PUM1: variants seen among roughly 807,000 people sequenced by gnomAD.
PUM1 encodes the protein pumilio RNA binding family member 1.
PUM1 carries 13 observed loss-of-function variants against 131.8 expected under a neutral mutation model. That is an observed-to-expected ratio of 0.10 (90% CI 0.06 to 0.16). PUM1 has a LOEUF of 0.16. PUM1 is among the 10% of genes least tolerant of loss of function. PUM1 has a pLI of 1.00. For synonymous variants in PUM1, 509 were observed against 556.5 expected, an observed-to-expected ratio of 0.91 and a Z score of 1.20; for missense variants, 961 against 1,512.4, an observed-to-expected ratio of 0.64 and a Z score of 6.05.
intron 2 of PUM1, among the ~76,000 whole-genome samples, chr1:31,032,078 T>G (rs944543282): frequency 2.6e-5 from 4 of 152,244 alleles, no homozygotes; most frequent in African/African-American, 9.6e-5. Context: ...GCTCAACTTC[T>G]AAGAGTTTTG....
intron 20 of PUM1, among the ~76,000 whole-genome samples, 183 bp from the exon 21 acceptor site, chr1:30,937,018 G>A (rs1283480951): frequency 6.6e-6 from 1 of 152,164 alleles, no homozygotes; most frequent in African/African-American, 2.4e-5. Context: ...TGTGCCATCT[G>A]TGGCATCCAA....
At chr1:31,030,236 T>G (rs151204943) in intron 2 of PUM1, among the ~76,000 whole-genome samples, 1 of 151,818 alleles carries the variant, frequency 6.6e-6, no homozygotes, top group South Asian at 2.1e-4. Flanking sequence ...AAAAAAGATG[T>G]AGGCTTTGCT....
At chr1:30,975,732 A>G (rs1413534928) in intron 9 of PUM1, among the ~76,000 whole-genome samples, 1 of 152,022 alleles carries the variant, frequency 6.6e-6, no homozygotes, top group Non-Finnish European at 1.5e-5. Flanking sequence ...TTTAAATTTA[A>G]GTCAACGTTG....
chr1:30,936,655 G>C lies in PUM1; in HGVS notation c.3423C>G (p.Ile1141Met). The C allele has an allele frequency of 6.2e-7, 1 of 1,613,560 alleles. No homozygotes were observed. Among genetic ancestry groups the C allele is most frequent in the South Asian group, 1.1e-5 (1 of 91,020 alleles). Residue 1141 changes from isoleucine (I) to methionine (M), a missense_variant, in exon 21 of 22, where the codon ATC becomes ATG. Transcript: ENST00000426105. ...IDVAEPGQRK[I>M]VMHKIRPHIA... The stretch of plus-strand genomic sequence containing the variant: ...CAGCCCGGCCTACCTTATGCATGAC[G>C]ATCTTCCGCTGGCCTGGCTCCGCCA...
chr1:31,035,851 C>A (rs1643593626), intron 2 of PUM1, among the ~76,000 whole-genome samples: 1 of 151,630 alleles, frequency 6.6e-6, no homozygotes, highest in African/African-American at 2.4e-5. Context: ...AGAAAAAAAC[C>A]AAAAAACCTC....
At chr1:31,060,262 A>G (rs1056119851) in intron 1 of PUM1, among the ~76,000 whole-genome samples, 3 of 147,760 alleles carry the variant, frequency 2.0e-5, no homozygotes, top group Non-Finnish European at 4.5e-5. Flanking sequence ...GGAGTTCAAG[A>G]CCAGCCTGGC....
chr1:30,983,243 A>G (rs1185994091), intron 7 of PUM1, among the ~76,000 whole-genome samples: 1 of 152,262 alleles, frequency 6.6e-6, no homozygotes, highest in South Asian at 2.1e-4. Context: ...TAAGTAAAAC[A>G]GTAGAAAGTT....
At chr1:30,934,009 C>T (rs1374340594) in intron 21 of PUM1, among the ~76,000 whole-genome samples, 2 of 152,218 alleles carry the variant, frequency 1.3e-5, no homozygotes, top group East Asian at 3.9e-4. Context: ...AACTGTGTGG[C>T]TCCTCCACGA....
rs902422081 is a variant in PUM1, at chr1:31,055,404, C to T, written c.363+3800G>A. ...TCCTGGAAAAGGGGCATGAAAAACA[C>T]AAGTCTCTGATCTAGAATAGTTCAG... On this transcript the variant is annotated intron_variant, in intron 2 of 21. Transcript: ENST00000426105. The T allele has an allele frequency of 4.3e-4, 195 of 456,120 alleles. 1 individual carries two copies. The Admixed American group carries it at 4.5e-3, about 11-fold the overall frequency. The allele number at this position is 456,120 out of a possible 1,614,324, so 28.3% of individuals were successfully genotyped here.
chr1:30,937,619 T>C (rs566235680), intron 20 of PUM1, among the ~76,000 whole-genome samples: 40 of 151,974 alleles, frequency 2.6e-4, no homozygotes, highest in African/African-American at 8.7e-4. Context: ...AAAATAGAAA[T>C]TTTAGAAAAG....
In PUM1 at chr1:30,981,314, A is replaced by G; in HGVS notation, c.1250T>C (p.Ile417Thr). 6.3e-7 allele frequency: 1 copy of G among 1,589,000 alleles called. No homozygotes were observed. ...YALAAAHQPHIGLAPAAFVPN... is the reference protein window; with the variant it reads ...YALAAAHQPHTGLAPAAFVPN... ...GAGCTATGGGCTTAAGGACTTACCGATGTGCGGCTGATGAGCAGCTGCCAG... is the reference window on the plus strand; with the variant it reads ...GAGCTATGGGCTTAAGGACTTACCGGTGTGCGGCTGATGAGCAGCTGCCAG... Residue 417 changes from isoleucine to threonine, a missense_variant and splice_region_variant, in exon 8 of 22, where the codon ATC (isoleucine) becomes ACC (threonine). Ile to Thr is a moderately conservative substitution (Grantham distance 89). Coordinates refer to ENST00000426105, the MANE Select transcript of PUM1 (RefSeq NM_001020658.2).
chr1:30,969,328 A>AG lies in PUM1; in HGVS notation c.1507-837_1507-836insC. 2.0e-5 allele frequency among the ~76,000 whole-genome samples: 3 copies of AG among 146,846 alleles called. No individual in the cohort carries two copies. The South Asian group carries it at 6.6e-4, about 32-fold the overall frequency. The stretch of plus-strand genomic sequence containing the variant: ...CAAAACACACACACAAAAAAAAAAA[A>AG]AAAAAAAAGAAAAAAAAAGAGTATT... On this transcript the variant is annotated intron_variant, in intron 10 of 21. Transcript: ENST00000426105.
At chr1:31,021,009 A>T (rs1450197266) in intron 3 of PUM1, among the ~76,000 whole-genome samples, 1 of 152,198 alleles carries the variant, frequency 6.6e-6, no homozygotes, top group African/African-American at 2.4e-5. Flanking sequence ...AAACATCATT[A>T]TGTCTGGTTA....
At chr1:30,933,377 G>C in intron 21 of PUM1, 35 bp from the exon 22 acceptor site, 1 of 1,606,928 alleles carries the variant, frequency 6.2e-7, no homozygotes, top group Non-Finnish European at 8.5e-7. Context: ...TACATGGCCT[G>C]AGATGAGACT....
chr1:31,028,211 C>T (rs994291254), intron 3 of PUM1, among the ~76,000 whole-genome samples: 1 of 152,138 alleles, frequency 6.6e-6, no homozygotes, highest in Admixed American at 6.5e-5. Flanking sequence ...TTAAACATTA[C>T]AGTCAAAGCA....
intron 10 of PUM1, among the ~76,000 whole-genome samples, chr1:30,973,553 G>T (rs1243278905): frequency 6.6e-6 from 1 of 152,104 alleles, no homozygotes; most frequent in Non-Finnish European, 1.5e-5. Flanking sequence ...TCAAAATAAA[G>T]TATCGTTTGG....
intron 18 of PUM1, 86 bp from the exon 19 acceptor site, chr1:30,942,209 A>ATATATATATATATATATATATATATATG (rs1639476654): frequency 1.1e-5 from 1 of 93,872 alleles, no homozygotes; most frequent in Non-Finnish European, 2.3e-5. Flanking sequence ...ATATATATAT[A>ATATATATATATATATATATATATATATG]TATATATATA....
chr1:30,964,375 A>G (rs920278663), intron 14 of PUM1, among the ~76,000 whole-genome samples: 1 of 152,186 alleles, frequency 6.6e-6, no homozygotes, highest in Non-Finnish European at 1.5e-5. Context: ...GCTTCACTGA[A>G]ATGAACCTGT....
chr1:30,942,148 G>T, intron 18 of PUM1, 25 bp from the exon 19 acceptor site: 1 of 1,440,990 alleles, frequency 6.9e-7, no homozygotes. Flanking sequence ...ACACAAATGA[G>T]AAGCAAAAAT....
Sources: allele counts gnomAD v4.1 joint callset (sites outside exome capture counted in the v4.1 genomes callset), GRCh38; gene constraint gnomAD v4.1.1; transcripts MANE v1.5; gene names NCBI Gene and HGNC (gene_info 2026-07-23, HGNC 2026-07-21).